Variants in DPP10 observed in about 807,000 individuals in gnomAD.
The protein encoded by DPP10 is inactive dipeptidyl peptidase 10.
A neutral mutation model predicts 120.9 loss-of-function variants in DPP10; 33 were observed. That is an observed-to-expected ratio of 0.27 (90% CI 0.21 to 0.37). The LOEUF (loss-of-function observed/expected upper bound fraction) is 0.37, where lower values mean the gene tolerates loss of function less well. Ranked by LOEUF, DPP10 falls within the 10% of genes least tolerant of loss-of-function variation. The pLI is 1.00. For synonymous variants in DPP10, 337 were observed against 326.1 expected (o/e 1.03, Z -0.36); for missense variants, 816 against 942.8 (o/e 0.87, Z 1.76).
intron 4 of DPP10, among the ~76,000 whole-genome samples, chr2:115,516,053 T>C (rs1474218792): frequency 6.6e-6 from 1 of 152,044 alleles, no homozygotes; most frequent in Non-Finnish European, 1.5e-5. Flanking sequence ...AAGTGGACAA[T>C]ACAAGAAAAG....
intron 1 of DPP10, among the ~76,000 whole-genome samples, chr2:115,061,560 T>A (rs1445881220): frequency 6.6e-6 from 1 of 152,224 alleles, no homozygotes; most frequent in African/African-American, 2.4e-5. Flanking sequence ...AAAGAAATTT[T>A]AAAAATGCAT....
chr2:114,924,352 C>T (rs952184851), intron 1 of DPP10, among the ~76,000 whole-genome samples: 3 of 152,014 alleles, frequency 2.0e-5, no homozygotes, highest in Admixed American at 2.0e-4. Context: ...CATGGCGAAA[C>T]CCCATCTCTC....
intron 1 of DPP10, among the ~76,000 whole-genome samples, chr2:114,862,542 C>G (rs568726182): frequency 6.6e-6 from 1 of 152,068 alleles, no homozygotes; most frequent in East Asian, 1.9e-4. Flanking sequence ...TAAAATGGTT[C>G]TCTGATTTTT....
chr2:114,646,196 A>AAATAAATAAATAAAT (rs1488339134), intron 1 of DPP10, among the ~76,000 whole-genome samples: 3 of 151,138 alleles, frequency 2.0e-5, no homozygotes, highest in African/African-American at 7.4e-5. Flanking sequence ...ATAAATAAAT[A>AAATAAATAAATAAAT]AAAAGGGGGA....
chr2:114,930,004 G>A (rs976065368), intron 1 of DPP10, among the ~76,000 whole-genome samples: 1 of 152,184 alleles, frequency 6.6e-6, no homozygotes, highest in Admixed American at 6.5e-5. Context: ...ACTTCCTGCA[G>A]CAGGGAGCAG....
intron 1 of DPP10, among the ~76,000 whole-genome samples, chr2:114,778,676 G>T (rs2106183884): frequency 1.3e-5 from 2 of 151,966 alleles, no homozygotes; most frequent in Admixed American, 1.3e-4. Flanking sequence ...ACATGAACCA[G>T]GCCTGGAAGT....
chr2:115,615,330 T>G (rs2084409902), intron 5 of DPP10, among the ~76,000 whole-genome samples: 1 of 152,154 alleles, frequency 6.6e-6, no homozygotes, highest in African/African-American at 2.4e-5. Context: ...ATTTTTAAAT[T>G]TCAGACTGTT....
chr2:115,817,892 G>GA lies in DPP10; in HGVS notation c.1950+2171dup, dbSNP rs1037974331. Among the ~76,000 whole-genome samples the GA allele has an allele frequency of 7.3e-5, 11 of 151,176 alleles. 1 individual carries two copies. Among genetic ancestry groups the GA allele is most frequent in the East Asian group, 1.9e-4 (1 of 5,164 alleles). ...AGGTGTCTAGAGTGGTTGAGTTCAT[G>GA]AAAAAAAAGAGTGAAATGGTTGTTG... On this transcript the variant is annotated intron_variant, in intron 21 of 25. Transcript: ENST00000410059.
intron 1 of DPP10, among the ~76,000 whole-genome samples, chr2:114,842,679 G>C (rs1461179680): frequency 6.6e-6 from 1 of 152,132 alleles, no homozygotes; most frequent in Non-Finnish European, 1.5e-5. Flanking sequence ...TTGAGAAGAA[G>C]CACCAATGTT....
intron 1 of DPP10, among the ~76,000 whole-genome samples, chr2:115,281,490 A>G (rs544724340): frequency 6.6e-6 from 1 of 152,306 alleles, no homozygotes; most frequent in South Asian, 2.1e-4. Context: ...GCTGGTTTGA[A>G]ATGGAGGACC....
intron 1 of DPP10, among the ~76,000 whole-genome samples, chr2:114,901,331 G>T (rs1418789031): frequency 6.6e-6 from 1 of 152,106 alleles, no homozygotes; most frequent in Non-Finnish European, 1.5e-5. Context: ...CCGAGCAGAT[G>T]GGACTACAGG....
rs140805286 is a variant in DPP10, at chr2:115,617,545, T to C, written c.442-72142T>C. On this transcript the variant is annotated intron_variant, in intron 5 of 25. Coordinates refer to ENST00000410059, the MANE Select transcript of DPP10 (RefSeq NM_020868.6). ...TAAGATTATAATAAGATATTTTTAC[T>C]ATATCTTTTCTATGTTTAGATATGT... Among the ~76,000 whole-genome samples the C allele has an allele frequency of 5.1e-3, 783 of 152,048 alleles. 5 individuals carry two copies. The highest frequency in any genetic ancestry group is 0.018 in the African/African-American group (740 of 41,504).
intron 1 of DPP10, among the ~76,000 whole-genome samples, chr2:115,277,435 T>C (rs936616433): frequency 7.1e-6 from 1 of 141,262 alleles, no homozygotes; most frequent in Non-Finnish European, 1.5e-5. Flanking sequence ...TATACTTAAG[T>C]CCTGCCAGGG....
chr2:115,184,813 A>G (rs927664714), intron 1 of DPP10, among the ~76,000 whole-genome samples: 1 of 152,202 alleles, frequency 6.6e-6, no homozygotes, highest in African/African-American at 2.4e-5. Context: ...AAGTAATTGC[A>G]ATGAGACAGA....
chr2:115,171,358 C>CAAAAAAAAAA (rs752738778), intron 1 of DPP10, among the ~76,000 whole-genome samples: 7 of 114,352 alleles, frequency 6.1e-5, no homozygotes, highest in Non-Finnish European at 9.4e-5. Context: ...GAGACTCCAT[C>CAAAAAAAAAA]AAAAAAAAAA....
At chr2:114,913,226 T>C (rs1694511444) in intron 1 of DPP10, among the ~76,000 whole-genome samples, 1 of 152,196 alleles carries the variant, frequency 6.6e-6, no homozygotes, top group African/African-American at 2.4e-5. Context: ...ATGCACAGCC[T>C]TCCCCCATCG....
chr2:115,779,517 C>A (rs1682501796), intron 15 of DPP10, among the ~76,000 whole-genome samples: 1 of 152,028 alleles, frequency 6.6e-6, no homozygotes, highest in Non-Finnish European at 1.5e-5. Flanking sequence ...CTCTTTATTT[C>A]AGCAATCTCA....
chr2:115,594,441 T>G (rs1244728684), intron 5 of DPP10, among the ~76,000 whole-genome samples: 1 of 152,098 alleles, frequency 6.6e-6, no homozygotes, highest in African/African-American at 2.4e-5. Context: ...AAACAAAACA[T>G]AAAGAATCAG....
intron 1 of DPP10, among the ~76,000 whole-genome samples, chr2:115,026,681 C>T (rs1316829346): frequency 6.6e-6 from 1 of 152,138 alleles, no homozygotes; most frequent in Admixed American, 6.5e-5. Flanking sequence ...GGATTACAAG[C>T]ATGCACCACC....
Sources: allele counts gnomAD v4.1 joint callset (sites outside exome capture counted in the v4.1 genomes callset), GRCh38; gene constraint gnomAD v4.1.1; transcripts MANE v1.5; gene names NCBI Gene and HGNC (gene_info 2026-07-23, HGNC 2026-07-21).